COL19A1: variants seen among roughly 807,000 people sequenced by gnomAD.
The protein encoded by COL19A1 is collagen alpha-1(XIX) chain.
Under a neutral mutation model 190.2 loss-of-function variants are expected in COL19A1, and 159 were observed. That is an observed-to-expected ratio of 0.84 (90% CI 0.73 to 0.95). The LOEUF (loss-of-function observed/expected upper bound fraction) is 0.95. COL19A1 is among the 40% of genes least tolerant of loss of function. COL19A1 has a pLI of 0.00. For synonymous variants in COL19A1, 509 were observed against 458.9 expected (o/e 1.11, Z -1.39); for missense variants, 1,418 against 1,431.9 (o/e 0.99, Z 0.16).
chr6:69,926,530 G>T (rs1003418556), intron 4 of COL19A1, among the ~76,000 whole-genome samples: 5 of 151,994 alleles, frequency 3.3e-5, no homozygotes, highest in Non-Finnish European at 7.4e-5. Flanking sequence ...AGGGGTTCAA[G>T]AACTGATCTG....
chr6:70,077,645 C>G (rs767289634), intron 15 of COL19A1, among the ~76,000 whole-genome samples: 3 of 151,986 alleles, frequency 2.0e-5, no homozygotes, highest in Non-Finnish European at 4.4e-5. Context: ...TTTTGGCTCT[C>G]AAATCACTAG....
At chr6:69,868,283 A>G (rs917586748) in intron 1 of COL19A1, among the ~76,000 whole-genome samples, 3 of 151,928 alleles carry the variant, frequency 2.0e-5, no homozygotes, top group African/African-American at 7.3e-5. Context: ...GGAAACTTGC[A>G]GGACCCTCTC....
At chr6:69,978,721 A>G (rs1775866823) in intron 11 of COL19A1, among the ~76,000 whole-genome samples, 1 of 151,730 alleles carries the variant, frequency 6.6e-6, no homozygotes, top group African/African-American at 2.4e-5. Context: ...ATGGGAATTA[A>G]TAAATATGGT....
intron 12 of COL19A1, among the ~76,000 whole-genome samples, chr6:70,030,542 C>G (rs1372090519): frequency 6.6e-6 from 1 of 152,112 alleles, no homozygotes; most frequent in East Asian, 1.9e-4. Flanking sequence ...TTCACACTTA[C>G]ACATTTATAA....
intron 34 of COL19A1, among the ~76,000 whole-genome samples, chr6:70,160,367 C>A (rs535208436): frequency 3.5e-4 from 54 of 152,160 alleles, no homozygotes; most frequent in Non-Finnish European, 6.6e-4. Flanking sequence ...CCCCATGATC[C>A]AATCACCTCC....
intron 2 of COL19A1, among the ~76,000 whole-genome samples, chr6:69,886,616 C>T (rs528551781): frequency 8.1e-5 from 12 of 147,380 alleles, no homozygotes; most frequent in South Asian, 2.1e-4. Flanking sequence ...AAAAGCAGTG[C>T]GTTTTTTTTT....
chr6:70,151,752 C>G (rs77595251), intron 31 of COL19A1, among the ~76,000 whole-genome samples: 1 of 152,060 alleles, frequency 6.6e-6, no homozygotes, highest in Non-Finnish European at 1.5e-5. Context: ...AGATTATTCT[C>G]TCCTCTGGAG....
At chr6:69,913,772 A>G (rs1771114062) in intron 4 of COL19A1, among the ~76,000 whole-genome samples, 1 of 152,174 alleles carries the variant, frequency 6.6e-6, no homozygotes, top group African/African-American at 2.4e-5. Context: ...GTGGAGGTGT[A>G]GTAGCAATAG....
chr6:69,896,364 C>T (rs573487793), intron 2 of COL19A1, among the ~76,000 whole-genome samples: 44 of 151,432 alleles, frequency 2.9e-4, no homozygotes, highest in African/African-American at 1.0e-3. Flanking sequence ...GGTGAAACCC[C>T]GTCTCTACTA....
intron 15 of COL19A1, among the ~76,000 whole-genome samples, chr6:70,082,968 G>A (rs1268961966): frequency 1.3e-5 from 2 of 152,168 alleles, no homozygotes; most frequent in Non-Finnish European, 2.9e-5. Context: ...GTGACAGGAG[G>A]CAGAGTTCAT....
chr6:69,921,449 T>TATATCATA, intron 4 of COL19A1, among the ~76,000 whole-genome samples: 1 of 32,112 alleles, frequency 3.1e-5, no homozygotes, highest in Non-Finnish European at 5.8e-5. Context: ...ATATATCATA[T>TATATCATA]ATCATATATA....
intron 9 of COL19A1, 56 bp downstream of exon 9, chr6:69,938,156 A>T (rs1773230694): frequency 6.6e-7 from 1 of 1,508,144 alleles, no homozygotes; most frequent in Non-Finnish European, 9.1e-7. Context: ...AAAATGACTT[A>T]AAAATGTGTT....
chr6:69,945,601 A>G (rs777737312), intron 9 of COL19A1, among the ~76,000 whole-genome samples: 67 of 152,070 alleles, frequency 4.4e-4, no homozygotes, highest in Non-Finnish European at 8.1e-4. Flanking sequence ...ATATGTCAAT[A>G]TAAGAAATAA....
chr6:70,024,119 C>G (rs978018044), intron 12 of COL19A1, among the ~76,000 whole-genome samples: 5 of 151,956 alleles, frequency 3.3e-5, no homozygotes, highest in Admixed American at 6.6e-5. Context: ...CCGTATTGCT[C>G]CCCTCCATGG....
chr6:69,981,126 C>T (rs966926912), intron 11 of COL19A1, among the ~76,000 whole-genome samples: 1 of 152,086 alleles, frequency 6.6e-6, no homozygotes, highest in Non-Finnish European at 1.5e-5. Context: ...GAACAGTGCT[C>T]ACAGAGTTGG....
At chr6:70,029,726 T>A (rs1351176684) in intron 12 of COL19A1, among the ~76,000 whole-genome samples, 2 of 152,182 alleles carry the variant, frequency 1.3e-5, no homozygotes, top group Admixed American at 1.3e-4. Context: ...ACTTTAATGG[T>A]CATAAAAGTA....
intron 17 of COL19A1, among the ~76,000 whole-genome samples, chr6:70,127,916 C>T (rs1485816622): frequency 1.3e-5 from 2 of 152,250 alleles, no homozygotes; most frequent in East Asian, 1.9e-4. Context: ...GAATGACACT[C>T]AGAGAGGAAG....
At chr6:70,176,230 A>G (rs1765796479) in intron 41 of COL19A1, among the ~76,000 whole-genome samples, 1 of 152,208 alleles carries the variant, frequency 6.6e-6, no homozygotes, top group African/African-American at 2.4e-5. Context: ...ATAAGTATGT[A>G]AGGGGACATT....
chr6:69,996,258 C>T (rs951816818), intron 11 of COL19A1, among the ~76,000 whole-genome samples: 16 of 152,072 alleles, frequency 1.1e-4, no homozygotes, highest in Non-Finnish European at 1.6e-4. Flanking sequence ...CATGTATATT[C>T]GGACAGCTAT....
Sources: allele counts gnomAD v4.1 joint callset (sites outside exome capture counted in the v4.1 genomes callset), GRCh38; gene constraint gnomAD v4.1.1; transcripts MANE v1.5; gene names NCBI Gene and HGNC (gene_info 2026-07-23, HGNC 2026-07-21).